The following SLC19A1 variants were observed in gnomAD, a reference collection of about 807,000 sequenced individuals.
SLC19A1 encodes the protein reduced folate transporter.
SLC19A1 carries 37 observed loss-of-function variants against 35.3 expected under a neutral mutation model. That is an observed-to-expected ratio of 1.05 (90% CI 0.81 to 1.38). The LOEUF (loss-of-function observed/expected upper bound fraction) is 1.38, where lower values mean the gene tolerates loss of function less well. SLC19A1 is among the 40% of genes most tolerant of loss of function. SLC19A1 has a pLI of 0.00. For missense variants in SLC19A1, 831 were observed against 826.9 expected, an observed-to-expected ratio of 1.00 and a Z score of -0.06; for synonymous variants, 460 against 398.5, an observed-to-expected ratio of 1.15 and a Z score of -1.84.
At chr21:45,516,162 G>A (rs1480976035) in intron 5 of SLC19A1, 22 bp from the exon 6 acceptor site, 4 of 1,593,766 alleles carry the variant, frequency 2.5e-6, no homozygotes, top group Non-Finnish European at 3.4e-6. Flanking sequence ...GGCCGGGTGA[G>A]GCGGGTGGGG....
chr21:45,547,305 C>T (rs970718852), upstream of SLC19A1, among the ~76,000 whole-genome samples: 1 of 152,206 alleles, frequency 6.6e-6, no homozygotes, highest in African/African-American at 2.4e-5. Flanking sequence ...AAGCCCCCAA[C>T]CGTCTGAACA....
rs2077935852 is a variant in SLC19A1 at position 45,531,951 on chromosome 21, G to A, written c.387C>T (p.Thr129=). The change falls in exon 3 of 6, where the codon ACC becomes ACT. Residue 129 remains threonine (T), a synonymous_variant. Coordinates refer to ENST00000311124, the MANE Select transcript of SLC19A1 (RefSeq NM_194255.4). ...MQLMELFYSV[T]MAARIAYSSY... is the part of the protein sequence containing the mutation. Reference sequence around the variant, plus strand: ...AGGAATAGGCGATGCGCGCGGCCATGGTGACGCTGTAGAAGAGCTCCATGA... The same window carrying A: ...AGGAATAGGCGATGCGCGCGGCCATAGTGACGCTGTAGAAGAGCTCCATGA... 6.2e-7 allele frequency: 1 copy of A among 1,606,940 alleles called. No individual in the cohort carries two copies. Among genetic ancestry groups the A allele is most frequent in the Non-Finnish European group, 8.5e-7 (1 of 1,177,776 alleles).
downstream of SLC19A1, among the ~76,000 whole-genome samples, chr21:45,508,714 T>G (rs1305604015): frequency 6.6e-6 from 1 of 152,130 alleles, no homozygotes; most frequent in Non-Finnish European, 1.5e-5. Flanking sequence ...CTCTCACTCA[T>G]TTGCTGATTC....
intron 3 of SLC19A1, among the ~76,000 whole-genome samples, chr21:45,503,771 A>G (rs192217320): frequency 1.9e-4 from 29 of 152,232 alleles, no homozygotes; most frequent in Non-Finnish European, 2.9e-4. Flanking sequence ...ATGTACCCTA[A>G]AACTTAAAGT....
At chr21:45,541,485 G>A (rs1274575047) in intron 1 of SLC19A1, among the ~76,000 whole-genome samples, 3 of 152,252 alleles carry the variant, frequency 2.0e-5, no homozygotes, top group South Asian at 2.1e-4. Flanking sequence ...GGATTTCGGG[G>A]CCAGCTTAGT....
chr21:45,555,224 CG>C (rs1194424128), intron 1 of SLC19A1, among the ~76,000 whole-genome samples: 1 of 5,744 alleles, frequency 1.7e-4, no homozygotes, highest in South Asian at 0.01. Flanking sequence ...TGGGGGGCGC[CG>C]GGGGGCGGCG....
At chr21:45,527,237 G>T (rs1275100766) in intron 4 of SLC19A1, among the ~76,000 whole-genome samples, 3 of 148,104 alleles carry the variant, frequency 2.0e-5, no homozygotes, top group African/African-American at 5.0e-5. Context: ...TGGCAATTGG[G>T]GGGGAGGGGG....
At chr21:45,509,984 G>C, downstream of SLC19A1, 1 of 1,471,940 alleles carries the variant, frequency 6.8e-7, no homozygotes, top group Admixed American at 2.1e-5. Context: ...ACACAGGTGC[G>C]GGGCCGGGGT....
At chr21:45,505,780 C>A (rs777883403) in intron 3 of SLC19A1, 5 of 1,293,164 alleles carry the variant, frequency 3.9e-6, no homozygotes, top group Middle Eastern at 2.6e-4. Flanking sequence ...TCCTTCCTTC[C>A]GCCCCTGCCC....
upstream of SLC19A1, among the ~76,000 whole-genome samples, chr21:45,545,481 G>A (rs182567866): frequency 1.5e-3 from 228 of 151,936 alleles, no homozygotes; most frequent in African/African-American, 5.4e-3. Flanking sequence ...GCAGATGCTG[G>A]CACCATGCTT....
At chr21:45,547,452 C>G (rs181254623), upstream of SLC19A1, among the ~76,000 whole-genome samples, 1 of 152,198 alleles carries the variant, frequency 6.6e-6, no homozygotes, top group African/African-American at 2.4e-5. Context: ...CAACTTTCAA[C>G]GTCAACACAG....
chr21:45,537,079 A>G (rs2078137253), intron 2 of SLC19A1, among the ~76,000 whole-genome samples: 2 of 152,190 alleles, frequency 1.3e-5, no homozygotes, highest in Admixed American at 6.5e-5. Context: ...CTTTAGGTAA[A>G]TAGCCACTAA....
chr21:45,502,922 C>T (rs1485476240), intron 3 of SLC19A1: 1 of 152,150 alleles, frequency 6.6e-6, no homozygotes, highest in Non-Finnish European at 1.5e-5. Flanking sequence ...AGTCAATGTA[C>T]CGAAGTCACC....
Position 45,515,507 on chromosome 21 carries a change from C to T in SLC19A1, c.*151G>A. 1 of 1,511,032 alleles carries T rather than the reference C, an allele frequency of 6.6e-7. No homozygotes were observed. The highest frequency in any genetic ancestry group is 8.7e-7 in the Non-Finnish European group (1 of 1,143,364). The allele number at this position is 1,511,032 out of a possible 1,614,324, so 93.6% of individuals were successfully genotyped here. A position where few individuals can be genotyped will look rare whatever the true frequency, so the allele number is the denominator to read the frequency against. ...TGTCGCCAGCACGCTGTGGCCACCG[C>T]CAGAGTGCGGCACAGGGCAGGGGGA... On this transcript the variant is annotated 3_prime_UTR_variant, in exon 6 of 6. Transcript: ENST00000311124.
At chr21:45,558,959 C>G (rs2078589847) in intron 1 of SLC19A1, among the ~76,000 whole-genome samples, 1 of 151,990 alleles carries the variant, frequency 6.6e-6, no homozygotes, top group Non-Finnish European at 1.5e-5. Flanking sequence ...CAGGTGCACA[C>G]CACCACGCCC....
chr21:45,546,453 C>A (rs2078416686), upstream of SLC19A1, among the ~76,000 whole-genome samples: 1 of 152,242 alleles, frequency 6.6e-6, no homozygotes, highest in Admixed American at 6.5e-5. Context: ...CTGAGCCCCA[C>A]TGGGGCCCCG....
chr21:45,536,051 G>A, intron 2 of SLC19A1: 1 of 340,194 alleles, frequency 2.9e-6, no homozygotes. Context: ...GTTCTTGTCG[G>A]GCCCCAGGAG....
chr21:45,516,477 A>G (rs1385752097), intron 5 of SLC19A1, among the ~76,000 whole-genome samples: 1 of 152,158 alleles, frequency 6.6e-6, no homozygotes, highest in Non-Finnish European at 1.5e-5. Flanking sequence ...GTGCTGAGAC[A>G]GCGGAAGGGT....
chr21:45,507,811 G>A (rs1339747734), downstream of SLC19A1, among the ~76,000 whole-genome samples: 5 of 152,334 alleles, frequency 3.3e-5, no homozygotes, highest in East Asian at 5.8e-4. Flanking sequence ...CTGGCCTCAC[G>A]AGGGAGCCCC....
Sources: gnomAD v4.1 joint callset for allele counts (sites outside exome capture counted in the v4.1 genomes callset) on GRCh38, gnomAD v4.1.1 for gene constraint, MANE v1.5 for transcripts, NCBI Gene and HGNC (gene_info 2026-07-23, HGNC 2026-07-21) for gene names.